The following MAML2 variants were observed in gnomAD, a reference collection of about 807,000 sequenced individuals.
The protein encoded by MAML2 is mastermind-like protein 2.
Under a neutral mutation model 96.1 loss-of-function variants are expected in MAML2, and 22 were observed. The observed-to-expected ratio is 0.23, with a 90% confidence interval of 0.16 to 0.33. The LOEUF (loss-of-function observed/expected upper bound fraction) is 0.33, where lower values mean the gene tolerates loss of function less well. Ranked by LOEUF, MAML2 falls within the 10% of genes least tolerant of loss-of-function variation. MAML2 has a pLI of 1.00. For synonymous variants in MAML2, 561 were observed against 521.3 expected (o/e 1.08, Z -1.04); for missense variants, 1,367 against 1,392.4 (o/e 0.98, Z 0.29).
intron 2 of MAML2, among the ~76,000 whole-genome samples, chr11:96,081,914 A>G (rs1458027103): frequency 6.6e-6 from 1 of 152,232 alleles, no homozygotes; most frequent in Non-Finnish European, 1.5e-5. Context: ...AATAATGTAT[A>G]TTTTATATTA....
intron 1 of MAML2, among the ~76,000 whole-genome samples, chr11:96,187,056 CCCTGAGTAATGTA>C (rs1162321362): frequency 6.6e-6 from 1 of 152,182 alleles, no homozygotes; most frequent in African/African-American, 2.4e-5. Flanking sequence ...ATTCCTGGTG[CCCTGAGTAATGTA>C]CCTTTAACCT....
chr11:96,336,202 A>G (rs969021003), intron 1 of MAML2, among the ~76,000 whole-genome samples: 1 of 152,206 alleles, frequency 6.6e-6, no homozygotes, highest in African/African-American at 2.4e-5. Flanking sequence ...AAATTATTCA[A>G]TTTAAGCTTC....
intron 1 of MAML2, among the ~76,000 whole-genome samples, chr11:96,300,775 C>T (rs1820766941): frequency 6.6e-6 from 1 of 152,126 alleles, no homozygotes; most frequent in African/African-American, 2.4e-5. Context: ...AGGCTTCGGA[C>T]AATGAGCAGG....
At chr11:95,984,044 G>A (rs1019603830) in intron 4 of MAML2, among the ~76,000 whole-genome samples, 12 of 151,900 alleles carry the variant, frequency 7.9e-5, no homozygotes, top group South Asian at 2.1e-4. Context: ...CTCCATTCAC[G>A]GTAAGGGCCC....
At chr11:96,279,822 G>A (rs1863040732) in intron 1 of MAML2, among the ~76,000 whole-genome samples, 1 of 152,160 alleles carries the variant, frequency 6.6e-6, no homozygotes, top group South Asian at 2.1e-4. Context: ...AGATGAGGGT[G>A]TGTTATAACC....
chr11:96,175,077 T>G (rs1431008871), intron 1 of MAML2, among the ~76,000 whole-genome samples: 3 of 152,212 alleles, frequency 2.0e-5, no homozygotes, highest in Non-Finnish European at 4.4e-5. Context: ...GAGGGAAGGA[T>G]GGCCCAAACT....
At chr11:95,984,752 G>A (rs1857799184) in intron 4 of MAML2, among the ~76,000 whole-genome samples, 1 of 152,134 alleles carries the variant, frequency 6.6e-6, no homozygotes, top group Non-Finnish European at 1.5e-5. Flanking sequence ...ATGGCTTCCT[G>A]GACAGATGAA....
intron 1 of MAML2, among the ~76,000 whole-genome samples, chr11:96,238,252 G>A (rs1862390598): frequency 6.6e-6 from 1 of 152,222 alleles, no homozygotes; most frequent in Non-Finnish European, 1.5e-5. Flanking sequence ...CCTCACATAT[G>A]AAATCAGTGA....
At position 96,250,286 on chromosome 11, in the gene MAML2, G is replaced by GAA. The variant is rs77221745; in HGVS notation, c.513+91095_513+91096dup. Among the ~76,000 whole-genome samples, 1,220 of 149,792 alleles carry GAA rather than the reference G, an allele frequency of 8.1e-3. 20 individuals are homozygous for GAA. Among genetic ancestry groups the GAA allele is most frequent in the African/African-American group, 0.026 (1,054 of 40,192 alleles). ...TTCTTAAAATTTTATTTTTTAAATT[G>GAA]AAAAAAATGTACATATTCATGAGGT... On this transcript the variant is annotated intron_variant, in intron 1 of 4. Coordinates refer to ENST00000524717, the MANE Select transcript of MAML2 (RefSeq NM_032427.4).
intron 1 of MAML2, among the ~76,000 whole-genome samples, chr11:96,293,275 G>A (rs1051816198): frequency 7.9e-5 from 12 of 152,224 alleles, no homozygotes; most frequent in African/African-American, 2.9e-4. Context: ...GTAAAGATTT[G>A]GAGCATTTTA....
intron 1 of MAML2, among the ~76,000 whole-genome samples, chr11:96,286,208 G>T (rs968509995): frequency 6.6e-6 from 1 of 152,222 alleles, no homozygotes; most frequent in African/African-American, 2.4e-5. Context: ...GTTATCCTCA[G>T]CAAACTAACG....
rs555970181 is a variant in MAML2, at chr11:96,183,403, C to A, written c.514-89886G>T. On this transcript the variant is annotated intron_variant, in intron 1 of 4. Coordinates refer to ENST00000524717, the MANE Select transcript of MAML2 (RefSeq NM_032427.4). The stretch of plus-strand genomic sequence containing the variant: ...CCCTTCCTCCGTTCCTCCCCCCCCC[C>A]CCTTTCTTTTGAGACAAGGGTTCTC... Among the ~76,000 whole-genome samples, 13 of 40,554 alleles carry A rather than the reference C, an allele frequency of 3.2e-4. No homozygotes were observed. The South Asian group carries it at 6.4e-3, about 20-fold the overall frequency. 26.6% of individuals were successfully genotyped at this position (40,554 alleles called of 152,430 possible). A position where few individuals can be genotyped will look rare whatever the true frequency, so the allele number is the denominator to read the frequency against.
At position 95,980,346 on chromosome 11, in the gene MAML2, C is replaced by T. The variant is rs545561145; in HGVS notation, c.2456-383G>A. On this transcript the variant is annotated intron_variant, in intron 4 of 4. Transcript: ENST00000524717. The stretch of plus-strand genomic sequence containing the variant: ...GTCAGCTCTCATGAAATCCATGTTA[C>T]TGTTTACCCCAGGTCCAAATGAGAA... 5.9e-5 allele frequency among the ~76,000 whole-genome samples: 9 copies of T among 152,234 alleles called. 1 individual carries two copies. Among genetic ancestry groups the T allele is most frequent in the Admixed American group, 2.6e-4 (4 of 15,280 alleles).
At chr11:95,979,991 T>C in intron 4 of MAML2, 28 bp from the exon 5 acceptor site, 1 of 1,567,892 alleles carries the variant, frequency 6.4e-7, no homozygotes. Flanking sequence ...ATTTTATTAG[T>C]TCGTAGCAGC....
At chr11:96,207,214 C>G (rs117459530) in intron 1 of MAML2, among the ~76,000 whole-genome samples, 1 of 152,168 alleles carries the variant, frequency 6.6e-6, no homozygotes, top group African/African-American at 2.4e-5. Context: ...GTTGTGTGCT[C>G]TTTCTGCTGG....
rs529510837 is a variant in MAML2, at chr11:96,131,145, A to G, written c.514-37628T>C. Reference sequence around the variant, plus strand: ...AAATATCAGCAGGGTCCAGGGTAGAAATAAAAAGATACTCCAGACATTCCT... The same window carrying G: ...AAATATCAGCAGGGTCCAGGGTAGAGATAAAAAGATACTCCAGACATTCCT... On this transcript the variant is annotated intron_variant, in intron 1 of 4. Coordinates refer to ENST00000524717, the MANE Select transcript of MAML2 (RefSeq NM_032427.4). Among the ~76,000 whole-genome samples, 24 of 152,276 alleles carry G rather than the reference A, an allele frequency of 1.6e-4. No homozygotes were observed. In the South Asian group the frequency reaches 4.1e-3, roughly 26 times the overall value.
chr11:96,134,092 A>T (rs1038986862), intron 1 of MAML2, among the ~76,000 whole-genome samples: 1 of 152,244 alleles, frequency 6.6e-6, no homozygotes, highest in Non-Finnish European at 1.5e-5. Flanking sequence ...TTAGTGCTTT[A>T]TAGCTCATAA....
chr11:96,207,109 A>G (rs919121982), intron 1 of MAML2, among the ~76,000 whole-genome samples: 1 of 152,218 alleles, frequency 6.6e-6, no homozygotes, highest in African/African-American at 2.4e-5. Context: ...TCTGCCCTCT[A>G]TAAAAGGACT....
rs146255206 is a variant in MAML2, at chr11:96,306,550, T to C, written c.513+34833A>G. Among the ~76,000 whole-genome samples the C allele has an allele frequency of 8.7e-4, 133 of 152,360 alleles. 2 individuals carry two copies. Among genetic ancestry groups the C allele is most frequent in the Middle Eastern group, 3.4e-3 (1 of 294 alleles). On this transcript the variant is annotated intron_variant, in intron 1 of 4. Coordinates refer to ENST00000524717, the MANE Select transcript of MAML2 (RefSeq NM_032427.4). ...CAAAGAAAACTCCTTGCCTTCAGCA[T>C]AGTTAGACAACGACTGAACATCTAG... is the stretch of plus-strand genomic sequence containing the variant.
Sources: gnomAD v4.1 joint callset for allele counts (sites outside exome capture counted in the v4.1 genomes callset) on GRCh38, gnomAD v4.1.1 for gene constraint, MANE v1.5 for transcripts, NCBI Gene and HGNC (gene_info 2026-07-23, HGNC 2026-07-21) for gene names.